Variants in AK9 observed in about 807,000 individuals in gnomAD.
AK9 encodes adenylate kinase domain containing 1.
In AK9, 191 loss-of-function variants were observed where a neutral mutation model predicts 239.6. The ratio of observed to expected loss-of-function variants is 0.80; its 90% CI spans 0.71 to 0.90. The LOEUF is 0.90. Ranked by LOEUF, AK9 falls within the 40% of genes least tolerant of loss-of-function variation. The pLI is 0.00. For synonymous variants in AK9, 689 were observed against 721.0 expected (o/e 0.96, Z 0.71); for missense variants, 1,995 against 2,214.7 (o/e 0.90, Z 1.99).
chr6:109,634,543 T>C (rs1796490803), intron 10 of AK9, among the ~76,000 whole-genome samples: 1 of 152,326 alleles, frequency 6.6e-6, no homozygotes, highest in Non-Finnish European at 1.5e-5. Context: ...GACTATGCAA[T>C]GCAGATGAGA....
At chr6:109,609,605 G>A (rs1793327502) in intron 17 of AK9, among the ~76,000 whole-genome samples, 1 of 152,188 alleles carries the variant, frequency 6.6e-6, no homozygotes, top group African/African-American at 2.4e-5. Flanking sequence ...ATGAGAACCC[G>A]AGAGTCAGAG....
intron 33 of AK9, among the ~76,000 whole-genome samples, chr6:109,507,986 C>G (rs1379524628): frequency 6.6e-6 from 1 of 152,204 alleles, no homozygotes; most frequent in Non-Finnish European, 1.5e-5. Flanking sequence ...TTCTGTACAT[C>G]ATTTCCCTTT....
chr6:109,657,112 G>C (rs1273529204), intron 7 of AK9, among the ~76,000 whole-genome samples: 1 of 152,176 alleles, frequency 6.6e-6, no homozygotes, highest in Non-Finnish European at 1.5e-5. Context: ...ATTTCTGTTT[G>C]TTCCCCAATA....
chr6:109,610,223 T>C (rs1344734440), intron 17 of AK9, 142 bp downstream of exon 17: 9 of 1,058,004 alleles, frequency 8.5e-6, no homozygotes, highest in Non-Finnish European at 1.2e-5. Context: ...CACTTAACAA[T>C]GCTGACTACA....
chr6:109,565,718 C>T (rs540271816), intron 21 of AK9, among the ~76,000 whole-genome samples: 32 of 152,282 alleles, frequency 2.1e-4, no homozygotes, highest in African/African-American at 7.7e-4. Flanking sequence ...TCTGTCTTTT[C>T]ATCCTAGTCT....
In AK9 at chr6:109,585,152, T is replaced by A; in HGVS notation, c.2085A>T (p.Gln695His). 1 of 1,142,988 alleles carries A rather than the reference T, an allele frequency of 8.7e-7. No homozygotes were observed. 70.8% of individuals were successfully genotyped at this position (1,142,988 alleles called of 1,614,324 possible). The change falls in exon 19 of 41, where the codon CAA becomes CAT. Residue 695 changes from glutamine (Q) to histidine (H), a missense_variant. By Grantham distance (24) the Gln-to-His change is conservative. Coordinates refer to ENST00000424296, the MANE Select transcript of AK9 (RefSeq NM_001145128.3). Reference sequence around the variant, plus strand: ...CTTCTTCTTCTTCTTTTTTTTTCTTTTGTAGTTCTTCTAATAATCTTTCTA... The same window carrying A: ...CTTCTTCTTCTTCTTTTTTTTTCTTATGTAGTTCTTCTAATAATCTTTCTA... ...KILERLLEEL[Q>H]KKKKEEEEAR...
Position 109,506,713 on chromosome 6 carries a change from C to G in AK9, c.4569G>C (p.Leu1523Phe). 3 of 1,538,918 alleles carry G rather than the reference C, an allele frequency of 1.9e-6. No homozygotes were observed. The highest frequency in any genetic ancestry group is 2.6e-6 in the Non-Finnish European group (3 of 1,137,730). ...TGAAAATCTCCTTGGAAGGCACACTCAATTCAAAGATGACCATGGGAATGA... is the reference window on the plus strand; with the variant it reads ...TGAAAATCTCCTTGGAAGGCACACTGAATTCAAAGATGACCATGGGAATGA... ...RSIIPMVIFE[L>F]SVPSKEIFKR... The change falls in exon 34 of 41, where the codon TTG becomes TTC. Residue 1523 changes from leucine to phenylalanine, a missense_variant. Physicochemically the swap from Leu to Phe is conservative, Grantham distance 22. Around this residue, in one of 5 missense-constraint regions of AK9, gnomAD observed 391 missense variants for 456.0 expected, o/e 0.86. Coordinates refer to ENST00000424296, the MANE Select transcript of AK9 (RefSeq NM_001145128.3).
chr6:109,684,062 T>C (rs1057042029), intron 1 of AK9, among the ~76,000 whole-genome samples: 1 of 152,094 alleles, frequency 6.6e-6, no homozygotes, highest in Admixed American at 6.6e-5. Context: ...CATAGACCAA[T>C]GGAACAGAAC....
chr6:109,529,627 A>T (rs926144308), intron 28 of AK9, among the ~76,000 whole-genome samples: 3 of 152,198 alleles, frequency 2.0e-5, no homozygotes, highest in African/African-American at 7.2e-5. Flanking sequence ...ACCATAATGT[A>T]GAATCAGTGG....
chr6:109,497,362 A>ACACACTCTCT (rs1554230922), intron 38 of AK9, 103 bp downstream of exon 38: 32 of 500,522 alleles, frequency 6.4e-5, no homozygotes, highest in African/African-American at 5.9e-4. Flanking sequence ...ACACACACAC[A>ACACACTCTCT]CTCTCTCTCT....
intron 3 of AK9, 56 bp downstream of exon 3, chr6:109,674,142 T>C: frequency 7.2e-7 from 1 of 1,387,824 alleles, no homozygotes; most frequent in South Asian, 1.4e-5. Flanking sequence ...ATCTCCATTT[T>C]ATGAATATTT....
intron 5 of AK9, among the ~76,000 whole-genome samples, chr6:109,668,507 C>T (rs1801587683): frequency 6.6e-6 from 1 of 151,020 alleles, no homozygotes; most frequent in African/African-American, 2.4e-5. Context: ...CCTAGGTTTT[C>T]TTCTAGGGTT....
chr6:109,669,256 T>C (rs1801718091), intron 5 of AK9, among the ~76,000 whole-genome samples: 1 of 152,216 alleles, frequency 6.6e-6, no homozygotes, highest in African/African-American at 2.4e-5. Context: ...GAGACTTTGC[T>C]GAAGTTGCTT....
chr6:109,502,816 T>G lies in AK9; in HGVS notation c.4849+3511A>C, dbSNP rs541515111. Reference sequence around the variant, plus strand: ...CTTAAGGAACGGAATCTTACCGACATCACATGAGTGAGCATGGCAGTGGGC... The same window carrying G: ...CTTAAGGAACGGAATCTTACCGACAGCACATGAGTGAGCATGGCAGTGGGC... On this transcript the variant is annotated intron_variant, in intron 35 of 40. Transcript: ENST00000424296. 1.7e-3 allele frequency among the ~76,000 whole-genome samples: 260 copies of G among 152,288 alleles called. 1 individual carries two copies. Among genetic ancestry groups the G allele is most frequent in the Non-Finnish European group, 3.0e-3 (202 of 68,024 alleles).
chr6:109,532,483 T>C (rs907324629), intron 28 of AK9, among the ~76,000 whole-genome samples: 1 of 152,218 alleles, frequency 6.6e-6, no homozygotes, highest in Non-Finnish European at 1.5e-5. Flanking sequence ...GGGCATGTCA[T>C]GTAAATGGAA....
chr6:109,575,628 G>A (rs1006386853), intron 20 of AK9, among the ~76,000 whole-genome samples: 1 of 152,104 alleles, frequency 6.6e-6, no homozygotes, highest in Non-Finnish European at 1.5e-5. Flanking sequence ...TCTGTGGGTT[G>A]TCTGTTTACT....
chr6:109,497,221 T>C (rs944628707), intron 38 of AK9, among the ~76,000 whole-genome samples: 16 of 151,796 alleles, frequency 1.1e-4, no homozygotes, highest in Non-Finnish European at 2.4e-4. Flanking sequence ...CTCTCAGAAG[T>C]CCAGGCATTT....
intron 16 of AK9, among the ~76,000 whole-genome samples, chr6:109,610,982 C>A (rs1371568972): frequency 6.6e-6 from 1 of 152,178 alleles, no homozygotes; most frequent in East Asian, 1.9e-4. Flanking sequence ...TCAAGTGTTA[C>A]ACTTGATTCT....
chr6:109,654,324 T>A (rs1230602536), intron 8 of AK9, among the ~76,000 whole-genome samples: 1 of 151,804 alleles, frequency 6.6e-6, no homozygotes, highest in Non-Finnish European at 1.5e-5. Flanking sequence ...TCGCATTGTT[T>A]TATATATAAT....
Sources: gnomAD v4.1 joint callset for allele counts (sites outside exome capture counted in the v4.1 genomes callset) on GRCh38, gnomAD v4.1.1 for gene constraint, gnomAD v4.1.1 regional missense constraint, MANE v1.5 for transcripts, NCBI Gene and HGNC (gene_info 2026-07-23, HGNC 2026-07-21) for gene names.